The following MAF variants were observed in gnomAD, a reference collection of about 807,000 sequenced individuals.
MAF encodes MAF bZIP transcription factor, also known as transcription factor Maf.
Under a neutral mutation model 22.0 loss-of-function variants are expected in MAF, and 10 were observed. The ratio of observed to expected loss-of-function variants is 0.45; its 90% CI spans 0.28 to 0.77. The LOEUF is 0.77. Ranked by LOEUF, MAF falls within the 30% of genes least tolerant of loss-of-function variation. The pLI, the probability that MAF is intolerant of heterozygous loss-of-function variation, is 0.12. For synonymous variants in MAF, 337 were observed against 255.8 expected (o/e 1.32, Z -3.03); for missense variants, 544 against 548.4 (o/e 0.99, Z 0.08).
the MAF span, among the ~76,000 whole-genome samples, chr16:79,360,216 C>G: frequency 6.6e-6 from 1 of 152,142 alleles, no homozygotes; most frequent in Non-Finnish European, 1.5e-5. Flanking sequence ...TTGGATTGCT[C>G]TCCCCATCTT....
the MAF span, among the ~76,000 whole-genome samples, chr16:79,360,495 T>C: frequency 6.6e-6 from 1 of 152,214 alleles, no homozygotes. Flanking sequence ...CATCTGTAAC[T>C]TGCAGGTGAT....
At chr16:79,568,111 G>C in the MAF span, among the ~76,000 whole-genome samples, 3 of 152,186 alleles carry the variant, frequency 2.0e-5, no homozygotes, top group African/African-American at 2.4e-5. Context: ...TGTTGGGGGT[G>C]GGGGAAGAGG....
At chr16:79,470,625 C>A in the MAF span, among the ~76,000 whole-genome samples, 1 of 152,192 alleles carries the variant, frequency 6.6e-6, no homozygotes, top group Non-Finnish European at 1.5e-5. Context: ...GTGGAACTTA[C>A]TGGGTATTAT....
At chr16:79,406,472 T>C in the MAF span, among the ~76,000 whole-genome samples, 1 of 152,282 alleles carries the variant, frequency 6.6e-6, no homozygotes, top group East Asian at 1.9e-4. Context: ...TAGGCTGGCT[T>C]CCGGGTTCAG....
chr16:79,409,770 T>C, the MAF span, among the ~76,000 whole-genome samples: 2 of 152,170 alleles, frequency 1.3e-5, no homozygotes, highest in Non-Finnish European at 2.9e-5. Flanking sequence ...ATCCCTACTC[T>C]ACAGAGGCTA....
the MAF span, among the ~76,000 whole-genome samples, chr16:79,579,306 T>C: frequency 6.6e-6 from 1 of 152,230 alleles, no homozygotes; most frequent in Non-Finnish European, 1.5e-5. Flanking sequence ...ACTTGGATGT[T>C]AGAAAAAGTC....
At chr16:79,216,336 A>G in the MAF span, among the ~76,000 whole-genome samples, 6 of 152,238 alleles carry the variant, frequency 3.9e-5, no homozygotes, top group African/African-American at 1.4e-4. Flanking sequence ...GTGCATATGC[A>G]CATATATGTA....
At chr16:79,537,766 G>A in the MAF span, among the ~76,000 whole-genome samples, 1 of 152,156 alleles carries the variant, frequency 6.6e-6, no homozygotes, top group South Asian at 2.1e-4. Flanking sequence ...TGAGACAGCT[G>A]TTATCTTTTT....
the MAF span, among the ~76,000 whole-genome samples, chr16:79,543,286 TGGGATTTTAAGCCA>T: frequency 6.6e-6 from 1 of 152,220 alleles, no homozygotes; most frequent in Non-Finnish European, 1.5e-5. Flanking sequence ...GTAGCTAGAA[TGGGATTTTAAGCCA>T]GGGAGAACTG....
the MAF span, among the ~76,000 whole-genome samples, chr16:79,243,588 A>C: frequency 6.6e-6 from 1 of 152,018 alleles, no homozygotes; most frequent in Non-Finnish European, 1.5e-5. Context: ...CCTACCAACG[A>C]AAAAAAGTCT....
chr16:79,346,777 A>G, the MAF span, among the ~76,000 whole-genome samples: 1 of 152,228 alleles, frequency 6.6e-6, no homozygotes, highest in East Asian at 1.9e-4. Flanking sequence ...CAGGGGCATC[A>G]CGTAGAGATC....
At chr16:79,293,358 T>G in the MAF span, among the ~76,000 whole-genome samples, 1 of 152,158 alleles carries the variant, frequency 6.6e-6, no homozygotes, top group Non-Finnish European at 1.5e-5. Flanking sequence ...CTACAAACAT[T>G]CTTGAAACAA....
chr16:79,440,748 G>A, the MAF span, among the ~76,000 whole-genome samples: 1 of 152,174 alleles, frequency 6.6e-6, no homozygotes, highest in Admixed American at 6.5e-5. Flanking sequence ...AGTAAAATAT[G>A]GAAACTTCAG....
chr16:79,241,435 G>C, the MAF span, among the ~76,000 whole-genome samples: 1 of 152,062 alleles, frequency 6.6e-6, no homozygotes, highest in Non-Finnish European at 1.5e-5. Context: ...ACAGAAGAAA[G>C]GATATCAGAT....
the MAF span, among the ~76,000 whole-genome samples, chr16:79,456,264 G>A: frequency 1.3e-5 from 2 of 151,926 alleles, no homozygotes; most frequent in African/African-American, 2.4e-5. Flanking sequence ...TATGGGGAGC[G>A]ATCTAATTAT....
intron 1 of MAF, chr16:79,596,346 C>A (rs1452083098): frequency 9.4e-7 from 1 of 1,059,300 alleles, no homozygotes; most frequent in African/African-American, 1.6e-5. Context: ...AAAAAACAGC[C>A]TATAATTTCA....
chr16:79,456,623 G>A, the MAF span, among the ~76,000 whole-genome samples: 1 of 152,124 alleles, frequency 6.6e-6, no homozygotes, highest in Non-Finnish European at 1.5e-5. Context: ...AGAGAAAGCC[G>A]TTCTTTACAA....
chr16:79,472,895 T>C, the MAF span, among the ~76,000 whole-genome samples: 2 of 151,174 alleles, frequency 1.3e-5, no homozygotes, highest in African/African-American at 4.9e-5. Context: ...CCTGGAGAGA[T>C]TTGGGTAGTC....
At chr16:79,340,547 A>T in the MAF span, among the ~76,000 whole-genome samples, 1 of 151,716 alleles carries the variant, frequency 6.6e-6, no homozygotes, top group Non-Finnish European at 1.5e-5. Context: ...AATTTTTCAC[A>T]CTTGCCACTC....
Sources: allele counts gnomAD v4.1 joint callset (sites outside exome capture counted in the v4.1 genomes callset), GRCh38; gene constraint gnomAD v4.1.1; transcripts MANE v1.5; gene names NCBI Gene and HGNC (gene_info 2026-07-23, HGNC 2026-07-21).